Variants in ADAMTS17 observed in about 807,000 individuals in gnomAD.
The protein encoded by ADAMTS17 is A disintegrin and metalloproteinase with thrombospondin motifs 17.
A neutral mutation model predicts 141.5 loss-of-function variants in ADAMTS17; 113 were observed. That is an observed-to-expected ratio of 0.80 (90% CI 0.69 to 0.93). The LOEUF (loss-of-function observed/expected upper bound fraction) is 0.93, where lower values mean the gene tolerates loss of function less well. Among genes scored for constraint, ADAMTS17 ranks in the 40% least tolerant of loss-of-function variants. The probability of loss-of-function intolerance (pLI) is 0.00; values close to 1 mark genes in which losing one functional copy is unlikely to be tolerated. For synonymous variants in ADAMTS17, 768 were observed against 630.6 expected, an observed-to-expected ratio of 1.22 and a Z score of -3.27; for missense variants, 1,659 against 1,517.9, an observed-to-expected ratio of 1.09 and a Z score of -1.54.
chr15:100,198,660 T>C (rs549883538), intron 8 of ADAMTS17, among the ~76,000 whole-genome samples: 88 of 152,328 alleles, frequency 5.8e-4, no homozygotes, highest in African/African-American at 2.1e-3. Flanking sequence ...AGGCCACAGT[T>C]TGAGCGTCGT....
intron 3 of ADAMTS17, among the ~76,000 whole-genome samples, chr15:100,303,292 C>G (rs902426723): frequency 2.7e-5 from 4 of 150,282 alleles, no homozygotes; most frequent in African/African-American, 7.3e-5. Context: ...AGTCCTTTAT[C>G]CATTAATTGA....
intron 18 of ADAMTS17, among the ~76,000 whole-genome samples, chr15:100,001,777 C>T (rs183651004): frequency 8.2e-4 from 124 of 152,010 alleles, no homozygotes; most frequent in Non-Finnish European, 1.0e-3. Flanking sequence ...TCGAGATCAG[C>T]CTGGCCGGTA....
chr15:100,298,048 C>A lies in ADAMTS17; in HGVS notation c.617-16647G>T, dbSNP rs1180500616. Among the ~76,000 whole-genome samples, 3 of 151,790 alleles carry A rather than the reference C, an allele frequency of 2.0e-5. No individual in the cohort carries two copies. In the East Asian group the frequency reaches 5.8e-4, roughly 29 times the overall value. The stretch of plus-strand genomic sequence containing the variant: ...GAGTCACGGTGTGGGGGTGGGGGGT[C>A]TCAGTGAGAGTGCTCGTGGGGACAG... On this transcript the variant is annotated intron_variant, in intron 3 of 21. Coordinates refer to ENST00000268070, the MANE Select transcript of ADAMTS17 (RefSeq NM_139057.4).
At chr15:100,278,507 G>A (rs1596429940) in intron 4 of ADAMTS17, among the ~76,000 whole-genome samples, 1 of 152,272 alleles carries the variant, frequency 6.6e-6, no homozygotes, top group East Asian at 1.9e-4. Context: ...TCCTTGGCAA[G>A]TGTACCTTGC....
At chr15:100,120,429 G>A (rs2037394957) in intron 12 of ADAMTS17, among the ~76,000 whole-genome samples, 1 of 152,220 alleles carries the variant, frequency 6.6e-6, no homozygotes. Flanking sequence ...TGGTTTCTGT[G>A]TTCTGACTGT....
intron 20 of ADAMTS17, among the ~76,000 whole-genome samples, chr15:99,984,677 C>T (rs1356400771): frequency 1.3e-5 from 2 of 152,220 alleles, no homozygotes; most frequent in Non-Finnish European, 2.9e-5. Flanking sequence ...GCGGATGATG[C>T]CCACACAAGG....
chr15:100,340,543 C>A (rs2046332195), intron 2 of ADAMTS17, among the ~76,000 whole-genome samples: 1 of 152,216 alleles, frequency 6.6e-6, no homozygotes, highest in East Asian at 1.9e-4. Flanking sequence ...CCTCTCCAAA[C>A]TTCCTGTTCC....
chr15:99,983,825 A>G (rs2060529070), intron 20 of ADAMTS17, among the ~76,000 whole-genome samples: 1 of 152,180 alleles, frequency 6.6e-6, no homozygotes, highest in East Asian at 1.9e-4. Flanking sequence ...TTGGATAGCA[A>G]AGAAAGAGAC....
At chr15:100,297,162 G>A (rs766717856) in intron 3 of ADAMTS17, among the ~76,000 whole-genome samples, 7 of 152,150 alleles carry the variant, frequency 4.6e-5, no homozygotes, top group Non-Finnish European at 1.0e-4. Flanking sequence ...AGTGGGAACA[G>A]CATATACACA....
chr15:100,114,300 G>C (rs1439644643), intron 13 of ADAMTS17, among the ~76,000 whole-genome samples: 1 of 152,062 alleles, frequency 6.6e-6, no homozygotes, highest in East Asian at 1.9e-4. Flanking sequence ...ATGGGCTTCA[G>C]AAGAGCCCGG....
At chr15:100,190,489 A>C (rs540253186) in intron 8 of ADAMTS17, among the ~76,000 whole-genome samples, 1 of 151,360 alleles carries the variant, frequency 6.6e-6, no homozygotes, top group South Asian at 2.1e-4. Context: ...TCCAGAGGCC[A>C]CAGGTTGGGT....
intron 19 of ADAMTS17, among the ~76,000 whole-genome samples, chr15:99,994,799 C>T (rs1363706717): frequency 2.0e-5 from 3 of 152,180 alleles, no homozygotes; most frequent in Non-Finnish European, 2.9e-5. Context: ...TCTCCTGACT[C>T]GTGATCCACC....
intron 3 of ADAMTS17, among the ~76,000 whole-genome samples, chr15:100,284,040 G>C (rs558537292): frequency 2.0e-5 from 3 of 152,342 alleles, no homozygotes; most frequent in Admixed American, 1.3e-4. Flanking sequence ...GGGTAGCAGA[G>C]GTTGCAGTGA....
At chr15:100,042,302 T>C (rs1230911375) in intron 18 of ADAMTS17, among the ~76,000 whole-genome samples, 2 of 152,238 alleles carry the variant, frequency 1.3e-5, no homozygotes, top group African/African-American at 2.4e-5. Context: ...CAAATTTTGT[T>C]GTCCAAATAT....
At chr15:100,089,633 C>T (rs1177241088) in intron 15 of ADAMTS17, among the ~76,000 whole-genome samples, 4 of 151,828 alleles carry the variant, frequency 2.6e-5, no homozygotes, top group Non-Finnish European at 4.4e-5. Flanking sequence ...ACATATACAC[C>T]ATGGAATACT....
intron 10 of ADAMTS17, among the ~76,000 whole-genome samples, chr15:100,135,846 G>A (rs2038302186): frequency 6.6e-6 from 1 of 152,170 alleles, no homozygotes; most frequent in South Asian, 2.1e-4. Flanking sequence ...TTAGTCATCA[G>A]GGAAGGGAAA....
intron 14 of ADAMTS17, 61 bp from the exon 15 acceptor site, chr15:100,096,537 T>G: frequency 2.5e-6 from 4 of 1,611,968 alleles, no homozygotes; most frequent in Non-Finnish European, 3.4e-6. Context: ...TTAAAGAGGC[T>G]GCCCTGCAAG....
intron 3 of ADAMTS17, 79 bp downstream of exon 3, chr15:100,330,810 C>T: frequency 6.4e-7 from 1 of 1,568,796 alleles, no homozygotes; most frequent in East Asian, 2.3e-5. Context: ...ACTCATGTGG[C>T]TTCAGTGCAC....
At chr15:100,240,462 C>T (rs2042796082) in intron 7 of ADAMTS17, among the ~76,000 whole-genome samples, 1 of 152,174 alleles carries the variant, frequency 6.6e-6, no homozygotes, top group African/African-American at 2.4e-5. Context: ...CTTTGTCCTC[C>T]CACTCTCTGC....
Sources: gnomAD v4.1 joint callset for allele counts (sites outside exome capture counted in the v4.1 genomes callset) on GRCh38, gnomAD v4.1.1 for gene constraint, MANE v1.5 for transcripts, NCBI Gene and HGNC (gene_info 2026-07-23, HGNC 2026-07-21) for gene names.